The following MTA3 variants were observed in gnomAD, a reference collection of about 807,000 sequenced individuals.
MTA3 encodes metastasis-associated protein MTA3.
Under a neutral mutation model 83.5 loss-of-function variants are expected in MTA3, and 34 were observed. The ratio of observed to expected loss-of-function variants is 0.41; its 90% CI spans 0.31 to 0.54. The LOEUF (loss-of-function observed/expected upper bound fraction) is 0.54, where lower values mean the gene tolerates loss of function less well. Among genes scored for constraint, MTA3 ranks in the 20% least tolerant of loss-of-function variants. The pLI is 0.33. For synonymous variants in MTA3, 303 were observed against 252.7 expected (o/e 1.20, Z -1.89); for missense variants, 761 against 726.4 (o/e 1.05, Z -0.55).
Position 42,707,914 on chromosome 2 carries a change from C to T in MTA3, c.1162C>T (p.His388Tyr). Residue 388 changes from histidine to tyrosine, a missense_variant, in exon 13 of 17, where the codon CAC becomes TAC. Physicochemically the swap from His to Tyr is moderately conservative, Grantham distance 83. Transcript: ENST00000405094. ...ACESCYATQS[H>Y]QWYSWGPPNM... is the part of the protein sequence containing the mutation. ...TTCTTCTGCTTTAGCTACACAGTCT[C>T]ACCAGTGGTATTCTTGGGGCCCACC... The T allele has an allele frequency of 1.3e-6, 2 of 1,594,442 alleles. No homozygotes were observed. Among genetic ancestry groups the T allele is most frequent in the East Asian group, 2.2e-5 (1 of 44,542 alleles).
At chr2:42,582,977 A>T (rs770537582) in intron 3 of MTA3, among the ~76,000 whole-genome samples, 2 of 152,076 alleles carry the variant, frequency 1.3e-5, no homozygotes, top group African/African-American at 2.4e-5. Context: ...GACATAGGAA[A>T]ATTTCATAAC....
chr2:42,621,132 G>GT (rs3039328), intron 4 of MTA3, among the ~76,000 whole-genome samples: 33,698 of 137,350 alleles, frequency 0.25, 4,596 homozygotes, highest in East Asian at 0.39. Flanking sequence ...TCTTATTAGA[G>GT]TTTTTTTTTT....
At chr2:42,697,995 C>G (rs549144582) in intron 11 of MTA3, among the ~76,000 whole-genome samples, 161 bp downstream of exon 11, 1 of 152,224 alleles carries the variant, frequency 6.6e-6, no homozygotes, top group Admixed American at 6.5e-5. Flanking sequence ...AAAAAGGAGC[C>G]AGTGAGAGAA....
intron 14 of MTA3, among the ~76,000 whole-genome samples, chr2:42,717,865 T>G (rs1667135793): frequency 6.6e-6 from 1 of 152,222 alleles, no homozygotes; most frequent in South Asian, 2.1e-4. Flanking sequence ...GTTTGTTGCC[T>G]TTAGCAGCTG....
chr2:42,522,408 C>T (rs770384299), intron 2 of MTA3, among the ~76,000 whole-genome samples: 3 of 152,130 alleles, frequency 2.0e-5, no homozygotes, highest in Non-Finnish European at 4.4e-5. Context: ...TCCTTGCACC[C>T]ACTTTCAGGA....
intron 15 of MTA3, 31 bp from the exon 16 acceptor site, chr2:42,722,858 C>G: frequency 6.5e-7 from 1 of 1,549,482 alleles, no homozygotes; most frequent in Non-Finnish European, 8.7e-7. Context: ...ATATCATGTT[C>G]TGAATTGAGA....
At chr2:42,693,177 A>G (rs191715841) in intron 9 of MTA3, among the ~76,000 whole-genome samples, 10 of 152,000 alleles carry the variant, frequency 6.6e-5, no homozygotes, top group Admixed American at 5.9e-4. Flanking sequence ...TGGTGACACA[A>G]GCACTCTTGT....
At chr2:42,555,093 C>A (rs1271096746) in intron 2 of MTA3, among the ~76,000 whole-genome samples, 1 of 150,134 alleles carries the variant, frequency 6.7e-6, no homozygotes, top group African/African-American at 2.5e-5. Flanking sequence ...GAGGAGGTTG[C>A]AGTGAGCCGG....
At chr2:42,667,522 A>T (rs1448269121) in intron 8 of MTA3, among the ~76,000 whole-genome samples, 11 of 150,666 alleles carry the variant, frequency 7.3e-5, no homozygotes. Flanking sequence ...CATGTTTTCA[A>T]GGTTCATTAA....
At chr2:42,547,610 C>T (rs1676816757) in intron 2 of MTA3, among the ~76,000 whole-genome samples, 1 of 152,218 alleles carries the variant, frequency 6.6e-6, no homozygotes, top group African/African-American at 2.4e-5. Flanking sequence ...GGATTACAGG[C>T]GTCAACCCCC....
chr2:42,722,676 G>A (rs1667510392), intron 15 of MTA3, among the ~76,000 whole-genome samples: 1 of 152,100 alleles, frequency 6.6e-6, no homozygotes, highest in Non-Finnish European at 1.5e-5. Flanking sequence ...GAGGCTCAGA[G>A]CTCCAGCCAG....
intron 2 of MTA3, among the ~76,000 whole-genome samples, chr2:42,536,143 A>G (rs1331159915): frequency 2.7e-5 from 4 of 148,962 alleles, no homozygotes; most frequent in African/African-American, 9.9e-5. Context: ...GCCATAGAGC[A>G]TTTACCCCAC....
chr2:42,590,634 T>TG lies in MTA3; in HGVS notation c.190+11435dup, dbSNP rs1446175575. ...TTTGCTTTTTTTTTTTTTTTTTTTG[T>TG]GAGGTGGAGTCTCGCTCGCTCTGTC... On this transcript the variant is annotated intron_variant, in intron 3 of 16. Coordinates refer to ENST00000405094, the MANE Select transcript of MTA3 (RefSeq NM_001330442.2). 4.5e-3 allele frequency among the ~76,000 whole-genome samples: 74 copies of TG among 16,574 alleles called. 3 individuals are homozygous for TG. Among genetic ancestry groups the TG allele is most frequent in the Middle Eastern group, 0.11 (2 of 18 alleles). 10.9% of individuals were successfully genotyped at this position (16,574 alleles called of 152,430 possible).
At chr2:42,747,058 G>C (rs1342962013) in intron 16 of MTA3, among the ~76,000 whole-genome samples, 1 of 151,942 alleles carries the variant, frequency 6.6e-6, no homozygotes. Flanking sequence ...CTGGAGTGCG[G>C]TGGTGTGATC....
chr2:42,717,531 A>G (rs150023197), intron 14 of MTA3, among the ~76,000 whole-genome samples: 230 of 152,292 alleles, frequency 1.5e-3, no homozygotes, highest in Admixed American at 2.3e-3. Context: ...TTTGTATTGT[A>G]TGCTTTATTT....
At position 42,698,449 on chromosome 2, in the gene MTA3, A is replaced by G. The variant is rs531585253; in HGVS notation, c.1025+615A>G. Reference sequence around the variant, plus strand: ...GGTAGTTCACGCCTATAATCCCAGCACTTTGGGGAACCTCGTTTCTGCAAA... The same window carrying G: ...GGTAGTTCACGCCTATAATCCCAGCGCTTTGGGGAACCTCGTTTCTGCAAA... On this transcript the variant is annotated intron_variant, in intron 11 of 16. Coordinates refer to ENST00000405094, the MANE Select transcript of MTA3 (RefSeq NM_001330442.2). 3.3e-5 allele frequency: 5 copies of G among 151,762 alleles called. No individual in the cohort carries two copies. The South Asian group carries it at 8.3e-4, about 25-fold the overall frequency. The allele number at this position is 151,762 out of a possible 1,614,324, so 9.4% of individuals were successfully genotyped here.
At chr2:42,602,532 A>G (rs1013501882) in intron 3 of MTA3, among the ~76,000 whole-genome samples, 4 of 152,176 alleles carry the variant, frequency 2.6e-5, no homozygotes, top group East Asian at 1.9e-4. Flanking sequence ...CTGTTAATGT[A>G]TGAGAACTCC....
rs534783456 is a variant in MTA3, at chr2:42,544,078, CT to C, written c.-140-26358del. On this transcript the variant is annotated intron_variant, in intron 2 of 17. Transcript: ENST00000405592. ...TGACTAAGGAAGCAGTTTAGTTCGC[CT>C]GCAAGGACAAACTCCTATGACAGCA... is the stretch of plus-strand genomic sequence containing the variant. Among the ~76,000 whole-genome samples the C allele has an allele frequency of 9.9e-5, 15 of 152,202 alleles. No homozygotes were observed. In the South Asian group the frequency reaches 3.1e-3, roughly 32 times the overall value.
chr2:42,619,862 C>G (rs1319359732), intron 4 of MTA3, among the ~76,000 whole-genome samples: 2 of 152,066 alleles, frequency 1.3e-5, no homozygotes, highest in African/African-American at 4.8e-5. Flanking sequence ...TCCGTGGTAC[C>G]AGGCCGAGCT....
Sources: gnomAD v4.1 joint callset for allele counts (sites outside exome capture counted in the v4.1 genomes callset) on GRCh38, gnomAD v4.1.1 for gene constraint, MANE v1.5 for transcripts, NCBI Gene and HGNC (gene_info 2026-07-23, HGNC 2026-07-21) for gene names.